Variants in MFF observed in about 807,000 individuals in gnomAD.
The protein encoded by MFF is chromosome 2 open reading frame 33.
MFF carries 12 observed loss-of-function variants against 36.9 expected under a neutral mutation model. That is an observed-to-expected ratio of 0.33 (90% CI 0.21 to 0.53). The LOEUF is 0.53. Among genes scored for constraint, MFF ranks in the 20% least tolerant of loss-of-function variants. The pLI is 0.95. For missense variants in MFF, 348 were observed against 366.6 expected (o/e 0.95, Z 0.42); for synonymous variants, 99 against 126.2 (o/e 0.78, Z 1.44).
rs527864782 is a variant in MFF at position 227,332,023 on chromosome 2, G to A, written c.182-396G>A. ...GTCTCGCTCTGTCGCCCAGGCTGGA[G>A]TGCAGTGGCGGGATCTCGGCTCACT... On this transcript the variant is annotated intron_variant, in intron 3 of 8. Transcript: ENST00000304593. 1.0e-4 allele frequency among the ~76,000 whole-genome samples: 13 copies of A among 130,274 alleles called. 1 individual carries two copies. In the South Asian group the frequency reaches 3.3e-3, roughly 33 times the overall value. 85.5% of individuals were successfully genotyped at this position (130,274 alleles called of 152,430 possible). A position where few individuals can be genotyped will look rare whatever the true frequency, so the allele number is the denominator to read the frequency against.
chr2:227,342,618 C>A, intron 5 of MFF: 1 of 663,788 alleles, frequency 1.5e-6, no homozygotes, highest in Non-Finnish European at 2.6e-6. Flanking sequence ...TTAATTACTT[C>A]GAAGAGGCAA....
rs3211097 is a variant in MFF, at chr2:227,329,764, A to T, written c.-40-862A>T. ...TATTTAAATGAGTAAAGGAACAAGC[A>T]GTGACACATCACTAGGAAGGTCAGT... On this transcript the variant is annotated intron_variant, in intron 2 of 8. Transcript: ENST00000304593. The T allele has an allele frequency of 0.35, 537,861 of 1,538,740 alleles. 93,959 individuals carry two copies. Among genetic ancestry groups the T allele is most frequent in the South Asian group, 0.45 (39,463 of 87,768 alleles).
At chr2:227,326,067 C>T (rs1016577519) in intron 1 of MFF, among the ~76,000 whole-genome samples, 2 of 152,152 alleles carry the variant, frequency 1.3e-5, no homozygotes, top group South Asian at 4.2e-4. Flanking sequence ...GGTTCCTGTT[C>T]CGCCGAGCTT....
At chr2:227,333,703 G>C (rs2074772676) in intron 4 of MFF, among the ~76,000 whole-genome samples, 2 of 152,310 alleles carry the variant, frequency 1.3e-5, no homozygotes, top group Middle Eastern at 3.4e-3. Flanking sequence ...TAAAACAAAA[G>C]TATCCAGTGT....
chr2:227,354,453 G>A (rs2076161405), intron 7 of MFF, among the ~76,000 whole-genome samples: 4 of 152,138 alleles, frequency 2.6e-5, no homozygotes, highest in African/African-American at 9.7e-5. Flanking sequence ...TGCTCATTTA[G>A]AAAATTTACT....
At chr2:227,351,523 T>C (rs979058640) in intron 6 of MFF, among the ~76,000 whole-genome samples, 1 of 152,182 alleles carries the variant, frequency 6.6e-6, no homozygotes, top group African/African-American at 2.4e-5. Context: ...CAAAACCAGA[T>C]CAGTTACTTA....
At chr2:227,335,760 A>G (rs1359272314) in intron 4 of MFF, among the ~76,000 whole-genome samples, 3 of 152,248 alleles carry the variant, frequency 2.0e-5, no homozygotes, top group Admixed American at 2.0e-4. Context: ...TTAAAACATA[A>G]CATAAATAAT....
chr2:227,326,472 A>G (rs186718507), intron 1 of MFF, among the ~76,000 whole-genome samples: 9 of 152,272 alleles, frequency 5.9e-5, no homozygotes, highest in East Asian at 1.9e-4. Flanking sequence ...GGGACCTTCT[A>G]TCTTTTGGTT....
rs781626262 is a variant in MFF, at chr2:227,340,669, G to A, written c.440+289G>A. On this transcript the variant is annotated intron_variant, in intron 5 of 8. Coordinates refer to ENST00000304593, the MANE Select transcript of MFF (RefSeq NM_001277062.2). ...CTTCTAATGAGCTATGTTAAACAGTGTAGCAAGACAAATAGAATTTTTTTC... is the reference window on the plus strand; with the variant it reads ...CTTCTAATGAGCTATGTTAAACAGTATAGCAAGACAAATAGAATTTTTTTC... The A allele has an allele frequency of 1.9e-5, 4 of 213,442 alleles. No individual in the cohort carries two copies. The East Asian group carries it at 4.1e-4, about 22-fold the overall frequency. 13.2% of individuals were successfully genotyped at this position (213,442 alleles called of 1,614,324 possible).
chr2:227,332,964 G>A (rs975468321), intron 4 of MFF, among the ~76,000 whole-genome samples: 3 of 151,938 alleles, frequency 2.0e-5, no homozygotes, highest in Admixed American at 6.5e-5. Context: ...ACCCTTTTTC[G>A]CTTGACACTA....
intron 6 of MFF, 39 bp from the exon 7 acceptor site, chr2:227,352,475 A>C (rs2076046839): frequency 1.4e-6 from 2 of 1,476,992 alleles, no homozygotes; most frequent in Non-Finnish European, 1.8e-6. Flanking sequence ...CTGTTTCCTG[A>C]TTCTGTCTTG....
rs889863085 is a variant in MFF, at chr2:227,355,046, A to G, written c.660-631A>G. Among the ~76,000 whole-genome samples the G allele has an allele frequency of 2.6e-5, 4 of 152,314 alleles. No homozygotes were observed. In the East Asian group the frequency reaches 7.7e-4, roughly 29 times the overall value. On this transcript the variant is annotated intron_variant, in intron 7 of 8. Coordinates refer to ENST00000304593, the MANE Select transcript of MFF (RefSeq NM_001277062.2). ...CATGGTGGCAGGTGCCTGTAATTCC[A>G]GCTACTTGGGAGGCTGAGGTAGGAG...
intron 3 of MFF, among the ~76,000 whole-genome samples, chr2:227,331,449 A>G (rs1345255496): frequency 6.6e-6 from 1 of 152,178 alleles, no homozygotes; most frequent in Non-Finnish European, 1.5e-5. Context: ...TTTTGTTTGA[A>G]GCTGTTAGGA....
At chr2:227,338,843 A>AC (rs1357332891) in intron 4 of MFF, among the ~76,000 whole-genome samples, 1 of 129,606 alleles carries the variant, frequency 7.7e-6, no homozygotes, top group Non-Finnish European at 1.8e-5. Flanking sequence ...TCAAAAAAAA[A>AC]CAAAAAAAAA....
At chr2:227,329,911 TTTCTACTGCATTAAAAA>T in intron 2 of MFF, 1 of 514,452 alleles carries the variant, frequency 1.9e-6, no homozygotes, top group South Asian at 3.0e-5. Context: ...GGCAACATTC[TTTCTACTGCATTAAAAA>T]AAAAAACACA....
intron 5 of MFF, among the ~76,000 whole-genome samples, chr2:227,345,317 A>G (rs1316215410): frequency 6.6e-6 from 1 of 152,226 alleles, no homozygotes; most frequent in African/African-American, 2.4e-5. Context: ...AGTTTAGTTC[A>G]TTCATACTGT....
In MFF at chr2:227,332,535, C is replaced by T. The variant is rs760240487; in HGVS notation, c.298C>T (p.Pro100Ser). 2 of 1,613,420 alleles carry T rather than the reference C, an allele frequency of 1.2e-6. No homozygotes were observed. Among genetic ancestry groups the T allele is most frequent in the South Asian group, 2.2e-5 (2 of 91,004 alleles). ...PPRVLTLSER[P>S]LDFLDLERPP... Reference sequence around the variant, plus strand: ...TCGTGTACTTACGCTGAGTGAAAGACCACTAGATTTTCTGGATTTAGAAAG... The same window carrying T: ...TCGTGTACTTACGCTGAGTGAAAGATCACTAGATTTTCTGGATTTAGAAAG... The change falls in exon 4 of 9, where the codon CCA (proline) becomes TCA (serine). Residue 100 changes from proline (P) to serine (S), a missense_variant. Pro to Ser is a moderately conservative substitution (Grantham distance 74). Transcript: ENST00000304593.
intron 6 of MFF, among the ~76,000 whole-genome samples, chr2:227,348,639 A>G (rs899359926): frequency 6.6e-6 from 1 of 152,200 alleles, no homozygotes; most frequent in Non-Finnish European, 1.5e-5. Context: ...GGTTCAGAAC[A>G]AAAAGCATGG....
chr2:227,345,559 A>C (rs2075663843), intron 5 of MFF, among the ~76,000 whole-genome samples: 1 of 152,238 alleles, frequency 6.6e-6, no homozygotes, highest in South Asian at 2.1e-4. Flanking sequence ...ATGTTGATGT[A>C]GAACTGACCA....
Sources: allele counts gnomAD v4.1 joint callset (sites outside exome capture counted in the v4.1 genomes callset), GRCh38; gene constraint gnomAD v4.1.1; transcripts MANE v1.5; gene names NCBI Gene and HGNC (gene_info 2026-07-23, HGNC 2026-07-21).